The following WDFY4 variants were observed in gnomAD, a reference collection of about 807,000 sequenced individuals.
WDFY4 encodes the protein WDFY family member 4.
In WDFY4, 169 loss-of-function variants were observed where a neutral mutation model predicts 351.9. That is an observed-to-expected ratio of 0.48 (90% CI 0.42 to 0.55). The LOEUF is 0.55. WDFY4 is among the 20% of genes least tolerant of loss of function. The probability of loss-of-function intolerance (pLI) is 0.00; values close to 1 mark genes in which losing one functional copy is unlikely to be tolerated. For missense variants in WDFY4, 3,803 were observed against 3,935.6 expected (o/e 0.97, Z 0.90); for synonymous variants, 1,622 against 1,574.6 (o/e 1.03, Z -0.71).
At position 48,765,258 on chromosome 10, in the gene WDFY4, G is replaced by A. The variant is rs561055283; in HGVS notation, c.2553+4818G>A. Among the ~76,000 whole-genome samples, 5 of 152,296 alleles carry A rather than the reference G, an allele frequency of 3.3e-5. No homozygotes were observed. The South Asian group carries it at 1.0e-3, about 32-fold the overall frequency. ...CATTGTCATTATCACTGTGTTTACT[G>A]AACATTTACCATAGAGGGCAGACTT... On this transcript the variant is annotated intron_variant, in intron 13 of 61. Coordinates refer to ENST00000325239, the MANE Select transcript of WDFY4 (RefSeq NM_001394531.1).
intron 1 of WDFY4, among the ~76,000 whole-genome samples, chr10:48,697,569 G>A (rs774431524): frequency 3.8e-4 from 58 of 152,230 alleles, no homozygotes; most frequent in Non-Finnish European, 6.3e-4. Context: ...AAAGATGCAC[G>A]TGTGACTTTT....
chr10:48,766,367 G>A (rs564920623), intron 13 of WDFY4, among the ~76,000 whole-genome samples: 2 of 152,290 alleles, frequency 1.3e-5, no homozygotes, highest in East Asian at 1.9e-4. Context: ...AAGGCAGGAG[G>A]ATTGTTAGAA....
chr10:48,906,876 C>T (rs1274979244), intron 47 of WDFY4, among the ~76,000 whole-genome samples: 1 of 151,930 alleles, frequency 6.6e-6, no homozygotes, highest in Non-Finnish European at 1.5e-5. Context: ...AAAACTAAAA[C>T]AAACAATCAT....
chr10:48,876,903 G>A (rs939595502), intron 42 of WDFY4, 130 bp from the exon 43 acceptor site: 3 of 895,978 alleles, frequency 3.3e-6, no homozygotes, highest in African/African-American at 1.7e-5. Context: ...GGCACAGTGA[G>A]AGATCCACGC....
intron 28 of WDFY4, among the ~76,000 whole-genome samples, chr10:48,809,535 C>A (rs913278015): frequency 1.3e-5 from 2 of 151,076 alleles, no homozygotes; most frequent in Non-Finnish European, 3.0e-5. Context: ...ACCAGCATCA[C>A]CATCACCATA....
chr10:48,843,070 C>T (rs2068662945), intron 39 of WDFY4, among the ~76,000 whole-genome samples: 1 of 152,240 alleles, frequency 6.6e-6, no homozygotes, highest in South Asian at 2.1e-4. Flanking sequence ...ATCCAGGTAA[C>T]AACCACTGCC....
intron 14 of WDFY4, among the ~76,000 whole-genome samples, chr10:48,775,319 C>G (rs751066366): frequency 6.6e-6 from 1 of 152,174 alleles, no homozygotes; most frequent in Non-Finnish European, 1.5e-5. Context: ...TGCTTATACA[C>G]AGGAGCAAGT....
intron 18 of WDFY4, 27 bp from the exon 19 acceptor site, chr10:48,779,914 A>T: frequency 6.4e-7 from 1 of 1,550,594 alleles, no homozygotes; most frequent in Non-Finnish European, 8.7e-7. Flanking sequence ...ACCACACGTG[A>T]GACTCAGTGT....
At chr10:48,741,213 G>C (rs1004610692) in intron 11 of WDFY4, among the ~76,000 whole-genome samples, 1 of 152,122 alleles carries the variant, frequency 6.6e-6, no homozygotes, top group Non-Finnish European at 1.5e-5. Flanking sequence ...TCGCCCAGCA[G>C]CTCAGGTTTC....
At chr10:48,933,235 C>A (rs868308565) in intron 47 of WDFY4, among the ~76,000 whole-genome samples, 3 of 152,182 alleles carry the variant, frequency 2.0e-5, no homozygotes, top group South Asian at 2.1e-4. Flanking sequence ...GCTAGAGGGG[C>A]CTAGCACTTC....
intron 39 of WDFY4, among the ~76,000 whole-genome samples, chr10:48,837,450 G>A (rs2068442385): frequency 6.6e-6 from 1 of 152,174 alleles, no homozygotes. Context: ...ACAGGTGAGG[G>A]CCCCTGGTGG....
intron 47 of WDFY4, among the ~76,000 whole-genome samples, chr10:48,920,062 C>T (rs539313240): frequency 3.3e-4 from 50 of 151,884 alleles, no homozygotes; most frequent in African/African-American, 1.2e-3. Context: ...AAATGACAGC[C>T]CAAACTTACT....
Position 48,946,102 on chromosome 10 carries a change from C to A in WDFY4, c.7812C>A (p.Thr2604=). The change falls in exon 50 of 62, where the codon ACC becomes ACA. Residue 2604 remains threonine, a synonymous_variant. Coordinates refer to ENST00000325239, the MANE Select transcript of WDFY4 (RefSeq NM_001394531.1). Reference sequence around the variant, plus strand: ...TTTCAAAGCCCATGGGGGCTCAGACCAAGGAAAGGAAGCTGAAATTTATCC... The same window carrying A: ...TTTCAAAGCCCATGGGGGCTCAGACAAAGGAAAGGAAGCTGAAATTTATCC... ...RDLSKPMGAQ[T]KERKLKFIQR... 3 of 1,548,510 alleles carry A rather than the reference C, an allele frequency of 1.9e-6. No homozygotes were observed. The highest frequency in any genetic ancestry group is 2.6e-6 in the Non-Finnish European group (3 of 1,146,142).
chr10:48,723,704 C>A, intron 5 of WDFY4, 137 bp downstream of exon 5: 3 of 1,217,212 alleles, frequency 2.5e-6, no homozygotes, highest in Non-Finnish European at 3.4e-6. Context: ...AGGGTCTAAC[C>A]TCCCCCTCCC....
intron 51 of WDFY4, 105 bp downstream of exon 51, chr10:48,947,074 T>C: frequency 2.1e-6 from 2 of 968,578 alleles, no homozygotes; most frequent in Non-Finnish European, 3.0e-6. Flanking sequence ...AGGATGCCTC[T>C]GCTAAAAACT....
At chr10:48,793,742 G>A (rs1340667821) in intron 23 of WDFY4, among the ~76,000 whole-genome samples, 1 of 152,204 alleles carries the variant, frequency 6.6e-6, no homozygotes, top group Non-Finnish European at 1.5e-5. Flanking sequence ...AGTTAGGATT[G>A]AGGAATGAAT....
intron 23 of WDFY4, among the ~76,000 whole-genome samples, chr10:48,792,980 G>A (rs1037520323): frequency 5.9e-5 from 9 of 152,226 alleles, no homozygotes; most frequent in African/African-American, 2.2e-4. Context: ...GCTGTCACAT[G>A]TAGGTAGAGG....
intron 43 of WDFY4, 51 bp downstream of exon 43, chr10:48,877,250 G>A: frequency 6.6e-7 from 1 of 1,511,718 alleles, no homozygotes; most frequent in South Asian, 1.2e-5. Flanking sequence ...TAGTTGTTAA[G>A]ATTGTCAGAC....
At chr10:48,913,706 C>A in intron 47 of WDFY4, 1 of 1,612,466 alleles carries the variant, frequency 6.2e-7, no homozygotes. Flanking sequence ...TGTCATGGAG[C>A]CCTACCTCGT....
Sources: gnomAD v4.1 joint callset for allele counts (sites outside exome capture counted in the v4.1 genomes callset) on GRCh38, gnomAD v4.1.1 for gene constraint, MANE v1.5 for transcripts, NCBI Gene and HGNC (gene_info 2026-07-23, HGNC 2026-07-21) for gene names.